The following SEM1 variants were observed in gnomAD, a reference collection of about 807,000 sequenced individuals.
SEM1 encodes the protein 26S proteasome complex subunit SEM1.
SEM1 carries 3 observed loss-of-function variants against 12.7 expected under a neutral mutation model. The observed-to-expected ratio is 0.24, with a 90% CI of 0.11 to 0.61. The LOEUF (loss-of-function observed/expected upper bound fraction) is 0.61. SEM1 is among the 20% of genes least tolerant of loss of function. SEM1 has a pLI of 0.88. For synonymous variants in SEM1, 30 were observed against 27.8 expected (o/e 1.08, Z -0.25); for missense variants, 59 against 81.3 (o/e 0.73, Z 1.06).
chr7:96,650,393 C>A (rs1287979457), intron 2 of SEM1: 1 of 664,432 alleles, frequency 1.5e-6, no homozygotes, highest in Non-Finnish European at 2.7e-6. Context: ...GTTCCAGCCT[C>A]CTGGGCATGT....
intron 2 of SEM1, among the ~76,000 whole-genome samples, chr7:96,574,051 C>T (rs1358911943): frequency 5.9e-5 from 9 of 152,024 alleles, no homozygotes; most frequent in African/African-American, 2.2e-4. Context: ...TCATCATTTA[C>T]ATTAGGTATA....
chr7:96,504,991 C>G (rs901194564), intron 3 of SEM1, among the ~76,000 whole-genome samples: 35 of 152,020 alleles, frequency 2.3e-4, no homozygotes, highest in African/African-American at 8.2e-4. Context: ...GACTGTATTT[C>G]CCATAAATTA....
chr7:96,662,906 A>G (rs1172451098), intron 2 of SEM1, among the ~76,000 whole-genome samples: 1 of 152,222 alleles, frequency 6.6e-6, no homozygotes, highest in African/African-American at 2.4e-5. Flanking sequence ...CAAGATGTAG[A>G]AAGTGTAAAC....
At chr7:96,688,203 A>G (rs1345251330), downstream of SEM1, 2 of 152,174 alleles carry the variant, frequency 1.3e-5, no homozygotes, top group African/African-American at 4.8e-5. Context: ...CACTCTGTGA[A>G]AACTCAGTTG....
At chr7:96,635,421 G>A (rs1302551600) in intron 2 of SEM1, among the ~76,000 whole-genome samples, 1 of 152,158 alleles carries the variant, frequency 6.6e-6, no homozygotes, top group Admixed American at 6.6e-5. Flanking sequence ...GCACAAATGA[G>A]CATGTTAGGG....
intron 2 of SEM1, among the ~76,000 whole-genome samples, chr7:96,557,115 A>G (rs1584761471): frequency 2.0e-5 from 3 of 149,066 alleles, no homozygotes; most frequent in Non-Finnish European, 4.5e-5. Context: ...AAAGTTTTCA[A>G]CTTCTTTTCC....
intron 2 of SEM1, among the ~76,000 whole-genome samples, chr7:96,564,633 A>G (rs1237799944): frequency 2.0e-5 from 3 of 151,956 alleles, no homozygotes; most frequent in South Asian, 4.1e-4. Flanking sequence ...TGGATCATGC[A>G]TAGAGGAACC....
chr7:96,567,978 C>T (rs1006063251), intron 2 of SEM1, among the ~76,000 whole-genome samples: 1 of 150,976 alleles, frequency 6.6e-6, no homozygotes, highest in Non-Finnish European at 1.5e-5. Context: ...ATTTAGTATC[C>T]TGTCAAGTTT....
intron 2 of SEM1, among the ~76,000 whole-genome samples, chr7:96,679,000 CGA>C (rs925449711): frequency 6.6e-6 from 1 of 151,988 alleles, no homozygotes; most frequent in African/African-American, 2.4e-5. Flanking sequence ...GCTTCCAAAA[CGA>C]GACTTATTTA....
chr7:96,500,172 A>C (rs776787776), upstream of SEM1, among the ~76,000 whole-genome samples: 1 of 151,954 alleles, frequency 6.6e-6, no homozygotes, highest in Non-Finnish European at 1.5e-5. Flanking sequence ...TACAAACAAC[A>C]CTGGACTAAA....
At chr7:96,591,396 A>C (rs576620067) in intron 2 of SEM1, among the ~76,000 whole-genome samples, 21 of 152,346 alleles carry the variant, frequency 1.4e-4, no homozygotes, top group African/African-American at 5.1e-4. Flanking sequence ...ACTGAAGAGA[A>C]AGTTAGCACA....
chr7:96,532,969 A>G (rs1291120430), intron 2 of SEM1, among the ~76,000 whole-genome samples: 1 of 152,176 alleles, frequency 6.6e-6, no homozygotes, highest in Middle Eastern at 3.4e-3. Context: ...TACTTCCGCT[A>G]CAGATTGGTA....
intron 2 of SEM1, among the ~76,000 whole-genome samples, chr7:96,647,043 G>T (rs1355909927): frequency 6.6e-6 from 1 of 152,164 alleles, no homozygotes; most frequent in Non-Finnish European, 1.5e-5. Flanking sequence ...TGTGTTTTAT[G>T]GTGCAAATAT....
At chr7:96,672,509 G>C (rs1789344862), downstream of SEM1, 1 of 151,892 alleles carries the variant, frequency 6.6e-6, no homozygotes, top group South Asian at 2.1e-4. Flanking sequence ...CTATGACTTG[G>C]GCACTGGAGA....
intron 2 of SEM1, among the ~76,000 whole-genome samples, chr7:96,663,148 A>G (rs79630338): frequency 1.5e-5 from 1 of 68,156 alleles, no homozygotes; most frequent in Non-Finnish European, 2.6e-5. Context: ...ATATTCCAGG[A>G]AAAAAAAAAG....
intron 2 of SEM1, among the ~76,000 whole-genome samples, chr7:96,544,720 A>G (rs1000498837): frequency 6.6e-5 from 10 of 152,000 alleles, no homozygotes; most frequent in Non-Finnish European, 1.5e-4. Context: ...ATTAACACAT[A>G]TTTTATATAT....
upstream of SEM1, among the ~76,000 whole-genome samples, chr7:96,499,875 T>A (rs1055678842): frequency 7.2e-5 from 11 of 152,242 alleles, no homozygotes; most frequent in South Asian, 1.9e-3. Flanking sequence ...GAGACCAACA[T>A]AGATCAAGTA....
At chr7:96,598,532 A>G (rs1416645244) in intron 2 of SEM1, among the ~76,000 whole-genome samples, 2 of 152,074 alleles carry the variant, frequency 1.3e-5, no homozygotes, top group East Asian at 3.9e-4. Flanking sequence ...TAATCCTTCA[A>G]TCTACATCCT....
intron 1 of SEM1, among the ~76,000 whole-genome samples, chr7:96,488,393 G>A (rs954967420): frequency 2.0e-5 from 3 of 152,154 alleles, no homozygotes; most frequent in Non-Finnish European, 2.9e-5. Flanking sequence ...AATCTAGAGC[G>A]AGTAAGAGAA....
Sources: allele counts gnomAD v4.1 joint callset (sites outside exome capture counted in the v4.1 genomes callset), GRCh38; gene constraint gnomAD v4.1.1; transcripts MANE v1.5; gene names NCBI Gene and HGNC (gene_info 2026-07-23, HGNC 2026-07-21).